Variants in PBX3 observed in about 807,000 individuals in gnomAD.
PBX3 encodes PBX homeobox 3.
PBX3 carries 14 observed loss-of-function variants against 48.5 expected under a neutral mutation model. The ratio of observed to expected loss-of-function variants is 0.29; its 90% CI spans 0.19 to 0.45. The LOEUF (loss-of-function observed/expected upper bound fraction) is 0.45, where lower values mean the gene tolerates loss of function less well. Among genes scored for constraint, PBX3 ranks in the 20% least tolerant of loss-of-function variants. PBX3 has a pLI of 1.00. For synonymous variants in PBX3, 210 were observed against 200.3 expected (o/e 1.05, Z -0.41); for missense variants, 386 against 546.7 (o/e 0.71, Z 2.93).
At chr9:125,949,697 G>A (rs2118757412) in intron 5 of PBX3, among the ~76,000 whole-genome samples, 1 of 152,278 alleles carries the variant, frequency 6.6e-6, no homozygotes, top group South Asian at 2.1e-4. Context: ...GACTGCAGTG[G>A]GTATGTGGTA....
chr9:125,831,624 TAGTGCCTTAGTATCCTCC>T (rs1838965063), intron 2 of PBX3, among the ~76,000 whole-genome samples: 1 of 152,218 alleles, frequency 6.6e-6, no homozygotes, highest in Admixed American at 6.5e-5. Flanking sequence ...AGTAATGAGG[TAGTGCCTTAGTATCCTCC>T]AGTGGTGTAT....
chr9:125,893,784 T>G (rs1041180301), intron 2 of PBX3, among the ~76,000 whole-genome samples: 4 of 152,168 alleles, frequency 2.6e-5, no homozygotes, highest in African/African-American at 9.7e-5. Flanking sequence ...AGCACACCTG[T>G]TAGAACATTC....
chr9:125,793,365 AAATAT>A (rs1346211007), intron 2 of PBX3, among the ~76,000 whole-genome samples: 9 of 95,578 alleles, frequency 9.4e-5, no homozygotes, highest in South Asian at 4.0e-4. Context: ...GGGAAAAAAA[AAATAT>A]ATATATATAT....
intron 2 of PBX3, among the ~76,000 whole-genome samples, chr9:125,760,171 A>G (rs1226436315): frequency 6.6e-6 from 1 of 152,228 alleles, no homozygotes; most frequent in Non-Finnish European, 1.5e-5. Flanking sequence ...TTGTGCTCGA[A>G]TTTCAGGACG....
chr9:125,895,457 A>C (rs908785810), intron 2 of PBX3, among the ~76,000 whole-genome samples: 1 of 152,064 alleles, frequency 6.6e-6, no homozygotes, highest in Non-Finnish European at 1.5e-5. Flanking sequence ...GTGACAAACT[A>C]CCACAGAATT....
At chr9:125,832,232 G>A (rs999980058) in intron 2 of PBX3, among the ~76,000 whole-genome samples, 3 of 147,954 alleles carry the variant, frequency 2.0e-5, no homozygotes, top group African/African-American at 5.0e-5. Context: ...GTCTCGCTCT[G>A]TTGCCCAGGC....
intron 3 of PBX3, among the ~76,000 whole-genome samples, chr9:125,920,936 T>G (rs1841443749): frequency 6.6e-6 from 1 of 152,242 alleles, no homozygotes. Flanking sequence ...CATTATGTGC[T>G]TAGGTTTGCT....
intron 2 of PBX3, among the ~76,000 whole-genome samples, chr9:125,812,245 T>C (rs979336913): frequency 6.6e-6 from 1 of 152,166 alleles, no homozygotes; most frequent in African/African-American, 2.4e-5. Flanking sequence ...AAATATCATA[T>C]TGGGAATTAG....
intron 2 of PBX3, among the ~76,000 whole-genome samples, chr9:125,750,993 G>A (rs752906328): frequency 2.0e-5 from 3 of 152,126 alleles, no homozygotes; most frequent in Admixed American, 6.6e-5. Flanking sequence ...CAAAGAAAGC[G>A]GGGCTGCAAA....
At chr9:125,794,953 T>C (rs1272163440) in intron 2 of PBX3, among the ~76,000 whole-genome samples, 1 of 152,200 alleles carries the variant, frequency 6.6e-6, no homozygotes, top group African/African-American at 2.4e-5. Context: ...CAACTCAAAC[T>C]GAATTCAGTA....
At chr9:125,815,507 C>CCTACA (rs1838433532) in intron 2 of PBX3, among the ~76,000 whole-genome samples, 1 of 152,196 alleles carries the variant, frequency 6.6e-6, no homozygotes, top group Non-Finnish European at 1.5e-5. Context: ...CCTCGTATAA[C>CCTACA]ATAAGCAATG....
intron 2 of PBX3, among the ~76,000 whole-genome samples, chr9:125,754,653 A>G (rs1002108453): frequency 1.3e-5 from 2 of 152,078 alleles, no homozygotes; most frequent in Non-Finnish European, 1.5e-5. Flanking sequence ...TCCCTTTTGT[A>G]GGCAGAATTG....
intron 2 of PBX3, among the ~76,000 whole-genome samples, chr9:125,876,265 A>G (rs994831524): frequency 2.6e-5 from 4 of 152,218 alleles, no homozygotes; most frequent in Non-Finnish European, 5.9e-5. Context: ...GGAATTAAAG[A>G]ATATAACAAT....
Position 125,747,664 on chromosome 9 carries a change from T to A in PBX3, c.200+11T>A, listed in dbSNP as rs780676519. On this transcript the variant is annotated intron_variant, in intron 1 of 8. Transcript: ENST00000373489. The stretch of plus-strand genomic sequence containing the variant: ...CGAGGCGCAAGCAAAGTTGGTGTCG[T>A]CTCATTAAGCATCTTTTGTGTGTGT... 2.4e-5 allele frequency: 38 copies of A among 1,579,710 alleles called. No individual in the cohort carries two copies. In the South Asian group the frequency reaches 4.2e-4, roughly 18 times the overall value.
intron 2 of PBX3, among the ~76,000 whole-genome samples, chr9:125,870,929 A>AT (rs1178139695): frequency 6.6e-6 from 1 of 152,238 alleles, no homozygotes; most frequent in Non-Finnish European, 1.5e-5. Flanking sequence ...TGGTGGGTAT[A>AT]TAAATTGAAT....
chr9:125,811,103 G>A (rs909644247), intron 2 of PBX3, among the ~76,000 whole-genome samples: 5 of 152,098 alleles, frequency 3.3e-5, no homozygotes, highest in Admixed American at 1.3e-4. Flanking sequence ...TATTTAGAAG[G>A]CAAACATGAG....
At chr9:125,804,562 G>A (rs1467404783) in intron 2 of PBX3, among the ~76,000 whole-genome samples, 1 of 152,166 alleles carries the variant, frequency 6.6e-6, no homozygotes, top group East Asian at 1.9e-4. Context: ...TCTGCTAAAT[G>A]ATGATTTAGT....
chr9:125,793,366 A>AAAAATAT (rs59271982), intron 2 of PBX3, among the ~76,000 whole-genome samples: 1,087 of 101,916 alleles, frequency 0.011, 13 homozygotes, highest in African/African-American at 0.016. Flanking sequence ...GGAAAAAAAA[A>AAAAATAT]ATATATATAT....
rs760312706 is a variant in PBX3, at chr9:125,915,652, TTCTC to T, written c.275-28_275-25del. On this transcript the variant is annotated intron_variant, in intron 2 of 8. Coordinates refer to ENST00000373489, the MANE Select transcript of PBX3 (RefSeq NM_006195.6). ...CTATTTGTCCTCTGTTTCTCGCTTC[TTCTC>T]TCTCTGTCTCTCTCTCTCTTTCCTT... is the stretch of plus-strand genomic sequence containing the variant. The T allele has an allele frequency of 8.0e-5, 124 of 1,545,766 alleles. 1 individual carries two copies. The highest frequency in any genetic ancestry group is 2.1e-4 in the Middle Eastern group (1 of 4,828).
Sources: gnomAD v4.1 joint callset for allele counts (sites outside exome capture counted in the v4.1 genomes callset) on GRCh38, gnomAD v4.1.1 for gene constraint, MANE v1.5 for transcripts, NCBI Gene and HGNC (gene_info 2026-07-23, HGNC 2026-07-21) for gene names.